The following GMPR variants were observed in gnomAD, a reference collection of about 807,000 sequenced individuals.
GMPR encodes GMP reductase 1.
A neutral mutation model predicts 38.4 loss-of-function variants in GMPR; 31 were observed. The ratio of observed to expected loss-of-function variants is 0.81; its 90% confidence interval spans 0.61 to 1.09. The LOEUF is 1.09. Ranked by LOEUF, GMPR falls within the 50% of genes least tolerant of loss-of-function variation. The pLI is 0.00. For missense variants in GMPR, 468 were observed against 453.7 expected (o/e 1.03, Z -0.29); for synonymous variants, 162 against 173.3 (o/e 0.93, Z 0.51).
intron 7 of GMPR, among the ~76,000 whole-genome samples, chr6:16,289,204 C>T (rs1281106764): frequency 6.6e-6 from 1 of 152,180 alleles, no homozygotes; most frequent in Non-Finnish European, 1.5e-5. Flanking sequence ...CCCAACCCCA[C>T]CAGAAGGAAA....
intron 6 of GMPR, among the ~76,000 whole-genome samples, chr6:16,281,200 A>G (rs1381906627): frequency 6.6e-6 from 1 of 152,216 alleles, no homozygotes; most frequent in African/African-American, 2.4e-5. Context: ...CTACAGAATC[A>G]GAACTCTGCA....
intron 4 of GMPR, chr6:16,262,754 G>C (rs546951059): frequency 6.6e-6 from 1 of 151,982 alleles, no homozygotes; most frequent in African/African-American, 2.4e-5. Flanking sequence ...GCTGTAAAGC[G>C]TCTCAGGGTT....
At chr6:16,284,753 T>C (rs1046314600) in intron 6 of GMPR, among the ~76,000 whole-genome samples, 5 of 151,904 alleles carry the variant, frequency 3.3e-5, no homozygotes, top group African/African-American at 1.2e-4. Context: ...GGCGCGGTGG[T>C]GCACGCCTGT....
intron 1 of GMPR, among the ~76,000 whole-genome samples, chr6:16,244,937 C>T (rs1758726488): frequency 1.3e-5 from 2 of 152,098 alleles, no homozygotes; most frequent in Admixed American, 6.6e-5. Flanking sequence ...GTTTTGTGTC[C>T]TGCTGATAGG....
intron 5 of GMPR, among the ~76,000 whole-genome samples, chr6:16,276,516 G>C (rs1361096459): frequency 1.3e-5 from 2 of 152,078 alleles, no homozygotes; most frequent in African/African-American, 4.8e-5. Context: ...TACTACACTT[G>C]TTTTCTTCTT....
intron 6 of GMPR, among the ~76,000 whole-genome samples, chr6:16,281,127 C>G (rs1284289862): frequency 6.6e-6 from 1 of 152,194 alleles, no homozygotes; most frequent in Non-Finnish European, 1.5e-5. Context: ...GGTGCCCAGA[C>G]CAGCAGCAGC....
At chr6:16,242,982 C>T (rs1346449477) in intron 1 of GMPR, among the ~76,000 whole-genome samples, 2 of 152,108 alleles carry the variant, frequency 1.3e-5, no homozygotes, top group African/African-American at 4.8e-5. Flanking sequence ...CTCTTGATCT[C>T]ACCTTAGCTT....
rs1487497353 is a variant in GMPR, at chr6:16,295,381, C to A, written c.*195C>A. 6.6e-6 allele frequency: 3 copies of A among 452,520 alleles called. No homozygotes were observed. Among genetic ancestry groups the A allele is most frequent in the Non-Finnish European group, 1.1e-5 (3 of 262,230 alleles). The allele number at this position is 452,520 out of a possible 1,614,324, so 28.0% of individuals were successfully genotyped here. A position where few individuals can be genotyped will look rare whatever the true frequency, so the allele number is the denominator to read the frequency against. On this transcript the variant is annotated 3_prime_UTR_variant, in exon 9 of 9. Coordinates refer to ENST00000259727, the MANE Select transcript of GMPR (RefSeq NM_006877.4). ...TTCTCGGGGCCCAGACGCAAGGCAC[C>A]GATTGGGCCAACATCAGAGCCCTGC...
intron 4 of GMPR, among the ~76,000 whole-genome samples, chr6:16,271,686 C>T (rs549845966): frequency 6.6e-6 from 1 of 152,198 alleles, no homozygotes; most frequent in Admixed American, 6.5e-5. Flanking sequence ...AAACTACACA[C>T]TCCTGCCCCC....
intron 6 of GMPR, 113 bp downstream of exon 6, chr6:16,279,003 C>T (rs1581662709): frequency 3.3e-5 from 22 of 660,632 alleles, no homozygotes; most frequent in South Asian, 2.0e-4. Context: ...CTGGGCACTG[C>T]GGTCACAGCG....
chr6:16,250,372 G>A lies in GMPR; in HGVS notation c.291+5G>A, dbSNP rs372437285. 3.9e-5 allele frequency: 61 copies of A among 1,547,768 alleles called. No homozygotes were observed. The East Asian group carries it at 5.8e-4, about 15-fold the overall frequency. On this transcript the variant is annotated splice_donor_5th_base_variant and intron_variant, in intron 3 of 8. Transcript: ENST00000259727. The stretch of plus-strand genomic sequence containing the variant: ...AATCACCCAGAATGCCTGCAGGTAC[G>A]ACTACAGCCTGGTTATCAATTACCA...
intron 5 of GMPR, among the ~76,000 whole-genome samples, chr6:16,275,272 T>G (rs1422074953): frequency 6.6e-6 from 1 of 152,116 alleles, no homozygotes; most frequent in African/African-American, 2.4e-5. Context: ...ACAGCAAAGA[T>G]TTTTCAAAAG....
At chr6:16,268,027 C>T (rs1375098741) in intron 4 of GMPR, among the ~76,000 whole-genome samples, 2 of 152,194 alleles carry the variant, frequency 1.3e-5, no homozygotes, top group Admixed American at 6.5e-5. Flanking sequence ...TTGAATGTTC[C>T]TTGAAAGCTT....
intron 4 of GMPR, among the ~76,000 whole-genome samples, chr6:16,268,326 T>G (rs1759309336): frequency 6.6e-6 from 1 of 152,212 alleles, no homozygotes; most frequent in Non-Finnish European, 1.5e-5. Flanking sequence ...TCTTTTTTGT[T>G]GTTGTTGAGA....
At position 16,290,532 on chromosome 6, in the gene GMPR, T is replaced by G. The variant is rs767321984; in HGVS notation, c.768T>G (p.Phe256Leu). ...SGHTECAGEV[F>L]ERNGRKLKLF... ...ATACGGAGTGTGCTGGAGAAGTGTTTGAGAGGAACGGACGGAAGCTCAAGC... is the reference window on the plus strand; with the variant it reads ...ATACGGAGTGTGCTGGAGAAGTGTTGGAGAGGAACGGACGGAAGCTCAAGC... The change falls in exon 8 of 9, where the codon TTT (phenylalanine) becomes TTG (leucine). Residue 256 changes from phenylalanine to leucine, a missense_variant. By Grantham distance (22) the Phe-to-Leu change is conservative. Transcript: ENST00000259727. 2.1e-5 allele frequency: 34 copies of G among 1,613,812 alleles called. No homozygotes were observed. The Middle Eastern group carries it at 6.6e-4, about 31-fold the overall frequency.
chr6:16,258,089 A>G (rs903989241), intron 4 of GMPR: 4 of 152,204 alleles, frequency 2.6e-5, no homozygotes, highest in African/African-American at 9.7e-5. Context: ...GTTTTGTAAC[A>G]GTGCCACCTT....
chr6:16,262,780 A>G (rs542528813), intron 4 of GMPR: 1 of 152,194 alleles, frequency 6.6e-6, no homozygotes, highest in African/African-American at 2.4e-5. Flanking sequence ...CAAACGAGCC[A>G]TGAACTGGGC....
At chr6:16,240,211 A>C (rs1758620547) in intron 1 of GMPR, among the ~76,000 whole-genome samples, 1 of 152,214 alleles carries the variant, frequency 6.6e-6, no homozygotes, top group African/African-American at 2.4e-5. Flanking sequence ...CTGAACCAGA[A>C]AACATGTTGA....
intron 4 of GMPR, among the ~76,000 whole-genome samples, chr6:16,266,799 CA>C (rs373613668): frequency 9.9e-5 from 15 of 151,154 alleles, no homozygotes; most frequent in Non-Finnish European, 2.1e-4. Context: ...AAAAAACAAA[CA>C]AACAAAAAAA....
Sources: gnomAD v4.1 joint callset for allele counts (sites outside exome capture counted in the v4.1 genomes callset) on GRCh38, gnomAD v4.1.1 for gene constraint, MANE v1.5 for transcripts, NCBI Gene and HGNC (gene_info 2026-07-23, HGNC 2026-07-21) for gene names.